TTC17: variants seen among roughly 807,000 people sequenced by gnomAD.
The protein encoded by TTC17 is tetratricopeptide repeat domain 17, also known as tetratricopeptide repeat protein 17.
TTC17 carries 58 observed loss-of-function variants against 143.8 expected under a neutral mutation model. The observed-to-expected ratio is 0.40, with a 90% CI of 0.33 to 0.50. The LOEUF (loss-of-function observed/expected upper bound fraction) is 0.50, where lower values mean the gene tolerates loss of function less well. Ranked by LOEUF, TTC17 falls within the 20% of genes least tolerant of loss-of-function variation. The pLI is 0.49. For synonymous variants in TTC17, 501 were observed against 497.8 expected, an observed-to-expected ratio of 1.01 and a Z score of -0.09; for missense variants, 1,273 against 1,392.5, an observed-to-expected ratio of 0.91 and a Z score of 1.37.
intron 10 of TTC17, 84 bp downstream of exon 10, chr11:43,401,642 T>G: frequency 3.2e-6 from 3 of 926,398 alleles, no homozygotes; most frequent in Non-Finnish European, 4.8e-6. Context: ...TCTTGATTCT[T>G]TGTATATTTG....
intron 21 of TTC17, among the ~76,000 whole-genome samples, chr11:43,464,135 C>T (rs1947924321): frequency 6.6e-6 from 1 of 151,986 alleles, no homozygotes; most frequent in Non-Finnish European, 1.5e-5. Flanking sequence ...AAAAAATTAG[C>T]TGGGCGTGGT....
intron 6 of TTC17, 106 bp downstream of exon 6, chr11:43,396,924 C>A: frequency 1.9e-6 from 1 of 527,362 alleles, no homozygotes; most frequent in Non-Finnish European, 3.1e-6. Context: ...ATATACTTTT[C>A]TCCATCCCTG....
At chr11:43,433,553 T>C (rs1181130468) in intron 16 of TTC17, among the ~76,000 whole-genome samples, 2 of 152,174 alleles carry the variant, frequency 1.3e-5, no homozygotes, top group Non-Finnish European at 1.5e-5. Flanking sequence ...GCACAAGATG[T>C]CTGAGTTTGA....
chr11:43,454,838 C>T (rs949128530), intron 21 of TTC17, among the ~76,000 whole-genome samples: 3 of 151,792 alleles, frequency 2.0e-5, no homozygotes, highest in African/African-American at 7.3e-5. Context: ...CAGGGAGATT[C>T]AGAGAAACAG....
chr11:43,458,157 T>A (rs76999630), intron 21 of TTC17, among the ~76,000 whole-genome samples: 15,011 of 152,174 alleles, frequency 0.099, 2,508 homozygotes, highest in African/African-American at 0.34. Flanking sequence ...GCCGGGCACT[T>A]CTTCTGCTGA....
At chr11:43,367,276 C>T (rs897572620) in intron 1 of TTC17, among the ~76,000 whole-genome samples, 8 of 152,156 alleles carry the variant, frequency 5.3e-5, no homozygotes, top group Admixed American at 5.2e-4. Context: ...TCCTGCTTAC[C>T]TACTGTAGTC....
intron 2 of TTC17, 144 bp from the exon 3 acceptor site, chr11:43,389,508 A>C: frequency 1.5e-6 from 1 of 669,018 alleles, no homozygotes; most frequent in Non-Finnish European, 2.3e-6. Context: ...TATGTTGACT[A>C]AGTTAACTAA....
intron 2 of TTC17, among the ~76,000 whole-genome samples, chr11:43,382,231 A>G (rs939359935): frequency 6.6e-6 from 1 of 152,226 alleles, no homozygotes; most frequent in Non-Finnish European, 1.5e-5. Flanking sequence ...TCTGACATAC[A>G]AAAGCAGTAC....
chr11:43,451,114 C>A, intron 20 of TTC17, 68 bp from the exon 21 acceptor site: 1 of 1,479,986 alleles, frequency 6.8e-7, no homozygotes, highest in Non-Finnish European at 9.4e-7. Flanking sequence ...CCCAACTCAG[C>A]ATTAGCAGTA....
chr11:43,464,492 T>A (rs548168869), intron 21 of TTC17, among the ~76,000 whole-genome samples: 42 of 152,224 alleles, frequency 2.8e-4, no homozygotes, highest in East Asian at 1.2e-3. Context: ...TAACTTTTTT[T>A]AAAAAAACTT....
intron 2 of TTC17, among the ~76,000 whole-genome samples, chr11:43,386,879 T>C (rs578097450): frequency 4.6e-5 from 7 of 152,216 alleles, no homozygotes; most frequent in African/African-American, 1.4e-4. Context: ...CCTCATTGCC[T>C]GGGCTCAAGC....
intron 16 of TTC17, among the ~76,000 whole-genome samples, chr11:43,437,346 C>T (rs962316850): frequency 6.6e-6 from 1 of 152,178 alleles, no homozygotes; most frequent in Non-Finnish European, 1.5e-5. Context: ...TGAATTCAGA[C>T]TTTCTTCATT....
chr11:43,412,786 A>T (rs1193591195), intron 15 of TTC17, among the ~76,000 whole-genome samples: 1 of 152,202 alleles, frequency 6.6e-6, no homozygotes, highest in East Asian at 1.9e-4. Context: ...ATTTTGGATA[A>T]GGGATACTCA....
At chr11:43,485,947 A>G (rs1244835278) in intron 21 of TTC17, among the ~76,000 whole-genome samples, 1 of 131,000 alleles carries the variant, frequency 7.6e-6, no homozygotes. Flanking sequence ...ACTCCTTGGT[A>G]TCTACTCTAG....
At chr11:43,478,384 T>C (rs1948223825) in intron 21 of TTC17, among the ~76,000 whole-genome samples, 1 of 152,200 alleles carries the variant, frequency 6.6e-6, no homozygotes, top group African/African-American at 2.4e-5. Context: ...TAAAGAATCA[T>C]TTTCACTTCT....
At chr11:43,429,534 C>T (rs1947105800) in intron 16 of TTC17, among the ~76,000 whole-genome samples, 2 of 152,118 alleles carry the variant, frequency 1.3e-5, no homozygotes, top group African/African-American at 4.8e-5. Context: ...CAGTGGTGAG[C>T]AACTGAAAGA....
chr11:43,482,647 T>C lies in TTC17; in HGVS notation c.3031-7592T>C, dbSNP rs1428433409. Reference sequence around the variant, plus strand: ...GCTTCATGTGCACTAGAAAGGAATATTGTCTTCTGCTTTTGTTAGGTAGAG... The same window carrying C: ...GCTTCATGTGCACTAGAAAGGAATACTGTCTTCTGCTTTTGTTAGGTAGAG... On this transcript the variant is annotated intron_variant, in intron 21 of 23. Coordinates refer to ENST00000039989, the MANE Select transcript of TTC17 (RefSeq NM_018259.6). 2.6e-5 allele frequency among the ~76,000 whole-genome samples: 4 copies of C among 152,266 alleles called. No individual in the cohort carries two copies. In the South Asian group the frequency reaches 8.3e-4, roughly 32 times the overall value.
At position 43,444,199 on chromosome 11, in the gene TTC17, T is replaced by C. The variant is rs1947488725; in HGVS notation, c.2655T>C (p.Pro885=). ...TCACTGGCCCCAAGGTGGCATCTCC[T>C]GGGCCACAAGGTAAATTTGAATGTT... ...LEITGPKVAS[P]GPQGKKRDYQ... Residue 885 remains proline, a synonymous_variant, in exon 18 of 24, where the codon CCT becomes CCC. Coordinates refer to ENST00000039989, the MANE Select transcript of TTC17 (RefSeq NM_018259.6). 1 of 1,601,296 alleles carries C rather than the reference T, an allele frequency of 6.2e-7. No homozygotes were observed. The highest frequency in any genetic ancestry group is 1.8e-5 in the Admixed American group (1 of 56,528).
At chr11:43,399,356 T>C (rs544354735) in intron 8 of TTC17, among the ~76,000 whole-genome samples, 2 of 152,206 alleles carry the variant, frequency 1.3e-5, no homozygotes, top group Non-Finnish European at 2.9e-5. Flanking sequence ...AAATGCAATA[T>C]ACCATTTGAT....
Sources: allele counts gnomAD v4.1 joint callset (sites outside exome capture counted in the v4.1 genomes callset), GRCh38; gene constraint gnomAD v4.1.1; transcripts MANE v1.5; gene names NCBI Gene and HGNC (gene_info 2026-07-23, HGNC 2026-07-21).